The following RAPGEF6 variants were observed in gnomAD, a reference collection of about 807,000 sequenced individuals.
The protein encoded by RAPGEF6 is Rap guanine nucleotide exchange factor 6.
In RAPGEF6, 56 loss-of-function variants were observed where a neutral mutation model predicts 171.4. That is an observed-to-expected ratio of 0.33 (90% CI 0.26 to 0.41). The LOEUF (loss-of-function observed/expected upper bound fraction) is 0.41, where lower values mean the gene tolerates loss of function less well. RAPGEF6 is among the 10% of genes least tolerant of loss of function. The pLI is 1.00. For missense variants in RAPGEF6, 1,674 were observed against 1,921.4 expected (o/e 0.87, Z 2.41); for synonymous variants, 692 against 650.1 (o/e 1.06, Z -0.98).
intron 1 of RAPGEF6, 152 bp from the exon 2 acceptor site, chr5:131,604,845 G>T: frequency 9.7e-7 from 1 of 1,033,434 alleles, no homozygotes. Context: ...TAAAAGATTT[G>T]AAAAGGCAGA....
chr5:131,446,259 A>T (rs546572308), intron 22 of RAPGEF6, among the ~76,000 whole-genome samples: 5 of 151,944 alleles, frequency 3.3e-5, no homozygotes, highest in Non-Finnish European at 4.4e-5. Flanking sequence ...AGAATTAAAA[A>T]GCTTTTTAAA....
At chr5:131,600,382 C>T (rs1464961760) in intron 3 of RAPGEF6, among the ~76,000 whole-genome samples, 2 of 151,980 alleles carry the variant, frequency 1.3e-5, no homozygotes, top group South Asian at 2.1e-4. Flanking sequence ...ATTAGCCAGA[C>T]GTGGTGGCAC....
intron 3 of RAPGEF6, among the ~76,000 whole-genome samples, chr5:131,602,242 T>C (rs913006659): frequency 2.0e-5 from 3 of 152,170 alleles, no homozygotes; most frequent in Non-Finnish European, 4.4e-5. Flanking sequence ...ACTATACATC[T>C]AGGTTATATG....
At chr5:131,625,539 G>C (rs1765858681) in intron 1 of RAPGEF6, among the ~76,000 whole-genome samples, 1 of 151,964 alleles carries the variant, frequency 6.6e-6, no homozygotes, top group African/African-American at 2.4e-5. Flanking sequence ...TTGGTGGCTG[G>C]GCACGGTGGC....
intron 17 of RAPGEF6, 168 bp downstream of exon 17, chr5:131,472,419 C>T (rs1754808531): frequency 3.8e-6 from 3 of 796,344 alleles, no homozygotes; most frequent in African/African-American, 1.7e-5. Context: ...AGAGGAAGTA[C>T]CATTCAAATT....
intron 11 of RAPGEF6, among the ~76,000 whole-genome samples, chr5:131,499,960 G>A (rs1156308804): frequency 7.2e-5 from 11 of 152,218 alleles, no homozygotes; most frequent in African/African-American, 9.6e-5. Context: ...GTGCCGCTGC[G>A]CGATCTCAGC....
chr5:131,427,547 A>T (rs1424779802), intron 27 of RAPGEF6, among the ~76,000 whole-genome samples: 3 of 152,214 alleles, frequency 2.0e-5, no homozygotes, highest in African/African-American at 7.2e-5. Context: ...TCAATAAAAC[A>T]ATCATTTCTC....
intron 13 of RAPGEF6, among the ~76,000 whole-genome samples, chr5:131,493,786 GA>G (rs375670129): frequency 3.3e-5 from 5 of 149,868 alleles, no homozygotes; most frequent in South Asian, 2.1e-4. Context: ...CTGATTACTG[GA>G]AAAAAAAATC....
intron 4 of RAPGEF6, among the ~76,000 whole-genome samples, chr5:131,587,870 C>T (rs1763349038): frequency 6.6e-6 from 1 of 152,140 alleles, no homozygotes; most frequent in Non-Finnish European, 1.5e-5. Flanking sequence ...GGAAGGAATG[C>T]TACATAGGCC....
Position 131,508,175 on chromosome 5 carries a change from C to T in RAPGEF6, c.838G>A (p.Ala280Thr), listed in dbSNP as rs1757487460. ...QLLEFMHQLP[A>T]FANMTMSVRR... The stretch of plus-strand genomic sequence containing the variant: ...ACAGACATGGTCATGTTTGCAAATG[C>T]AGGGAGCTGGTGCATAAACTCCAGC... Residue 280 changes from alanine (A) to threonine (T), a missense_variant, in exon 9 of 28, where the codon GCA (alanine) becomes ACA (threonine). Coordinates refer to ENST00000509018, the MANE Select transcript of RAPGEF6 (RefSeq NM_016340.6). 6.2e-7 allele frequency: 1 copy of T among 1,612,562 alleles called. No homozygotes were observed. Among genetic ancestry groups the T allele is most frequent in the Non-Finnish European group, 8.5e-7 (1 of 1,179,392 alleles).
chr5:131,565,905 G>A (rs1473575470), intron 4 of RAPGEF6, among the ~76,000 whole-genome samples: 3 of 152,114 alleles, frequency 2.0e-5, no homozygotes, highest in Non-Finnish European at 2.9e-5. Context: ...CAGCACTTTG[G>A]GAGGCAGAGG....
At chr5:131,608,815 C>CT (rs34684896) in intron 1 of RAPGEF6, among the ~76,000 whole-genome samples, 23 of 148,856 alleles carry the variant, frequency 1.5e-4, no homozygotes, top group South Asian at 4.3e-4. Context: ...CACGTGATCT[C>CT]TTTTTTTTTT....
In RAPGEF6 at chr5:131,601,233, A is replaced by T. The variant is rs147937519; in HGVS notation, c.197+2038T>A. 8.0e-4 allele frequency among the ~76,000 whole-genome samples: 121 copies of T among 152,094 alleles called. No homozygotes were observed. In the East Asian group the frequency reaches 0.022, roughly 27 times the overall value. ...ACCCCATCTCTACTAAAAATACAAA[A>T]AATAAGCTGGGCATGGTGGCGGGCG... On this transcript the variant is annotated intron_variant, in intron 3 of 27. Transcript: ENST00000509018.
At chr5:131,516,066 T>C (rs1311258248) in intron 7 of RAPGEF6, among the ~76,000 whole-genome samples, 1 of 3,530 alleles carries the variant, frequency 2.8e-4, no homozygotes, top group African/African-American at 1.1e-3. Flanking sequence ...TTTTTTTTTT[T>C]TTTTTTTTTT....
At chr5:131,587,733 T>C (rs1042854579) in intron 4 of RAPGEF6, among the ~76,000 whole-genome samples, 1 of 152,130 alleles carries the variant, frequency 6.6e-6, no homozygotes, top group Non-Finnish European at 1.5e-5. Flanking sequence ...CAGAAACCTC[T>C]TTCCCAAGGT....
chr5:131,575,940 C>T (rs543097749), intron 4 of RAPGEF6, among the ~76,000 whole-genome samples: 73 of 152,220 alleles, frequency 4.8e-4, no homozygotes, highest in African/African-American at 1.7e-3. Flanking sequence ...CAAACCATTC[C>T]CCACTTACTC....
chr5:131,483,366 T>G (rs1370424741), intron 15 of RAPGEF6, among the ~76,000 whole-genome samples: 3 of 97,068 alleles, frequency 3.1e-5, no homozygotes, highest in African/African-American at 7.9e-5. Flanking sequence ...AAAAAAAAAA[T>G]GTTAAATTTC....
At chr5:131,619,882 G>T (rs1765501334) in intron 1 of RAPGEF6, among the ~76,000 whole-genome samples, 1 of 152,200 alleles carries the variant, frequency 6.6e-6, no homozygotes, top group South Asian at 2.1e-4. Context: ...ACTGGGTCTA[G>T]CTGTGTGACA....
intron 4 of RAPGEF6, among the ~76,000 whole-genome samples, chr5:131,585,897 C>G (rs1188861100): frequency 6.6e-6 from 1 of 152,172 alleles, no homozygotes; most frequent in Non-Finnish European, 1.5e-5. Context: ...CTCTCTGTTT[C>G]AAGTAGTCCT....
Sources: allele counts gnomAD v4.1 joint callset (sites outside exome capture counted in the v4.1 genomes callset), GRCh38; gene constraint gnomAD v4.1.1; transcripts MANE v1.5; gene names NCBI Gene and HGNC (gene_info 2026-07-23, HGNC 2026-07-21).